SLC22A24: variants seen among roughly 807,000 people sequenced by gnomAD.
The protein encoded by SLC22A24 is solute carrier family 22 member 24, also known as steroid transmembrane transporter SLC22A24.
Under a neutral mutation model 49.8 loss-of-function variants are expected in SLC22A24, and 53 were observed. The ratio of observed to expected loss-of-function variants is 1.06; its 90% CI spans 0.85 to 1.34. The LOEUF (loss-of-function observed/expected upper bound fraction) is 1.34. Ranked by LOEUF, SLC22A24 falls within the 40% of genes most tolerant of loss-of-function variation. The probability of loss-of-function intolerance (pLI) is 0.00; values close to 1 mark genes in which losing one functional copy is unlikely to be tolerated. For synonymous variants in SLC22A24, 302 were observed against 256.4 expected (o/e 1.18, Z -1.70); for missense variants, 786 against 675.9 (o/e 1.16, Z -1.81).
chr11:63,087,024 G>GCGCACACACACACACACACACA (rs376936925), intron 6 of SLC22A24, among the ~76,000 whole-genome samples: 8 of 132,630 alleles, frequency 6.0e-5, no homozygotes, highest in African/African-American at 2.3e-4. Flanking sequence ...CCTGGAGGGC[G>GCGCACACACACACACACACACA]CACACACACA....
Position 63,080,016 on chromosome 11 carries a change from G to A in SLC22A24, c.1599-16C>T, listed in dbSNP as rs984506319. On this transcript the variant is annotated splice_polypyrimidine_tract_variant and intron_variant, in intron 9 of 9. Coordinates refer to ENST00000612278, the MANE Select transcript of SLC22A24 (RefSeq NM_001136506.2). Reference sequence around the variant, plus strand: ...ATCTTTTCTGCTGAGAAATAGAAATGCAAACAAAAACAAGATTAAGAAACA... The same window carrying A: ...ATCTTTTCTGCTGAGAAATAGAAATACAAACAAAAACAAGATTAAGAAACA... The A allele has an allele frequency of 6.7e-6, 10 of 1,488,006 alleles. No individual in the cohort carries two copies. The African/African-American group carries it at 6.9e-5, about 10-fold the overall frequency. The allele number at this position is 1,488,006 out of a possible 1,614,324, so 92.2% of individuals were successfully genotyped here.
intron 6 of SLC22A24, among the ~76,000 whole-genome samples, chr11:63,089,704 T>C (rs912845033): frequency 6.6e-5 from 10 of 152,032 alleles, no homozygotes; most frequent in African/African-American, 2.4e-4. Flanking sequence ...GGAAGATTTA[T>C]CAAGAAAATG....
chr11:63,140,706 T>G (rs536847909), intron 1 of SLC22A24, among the ~76,000 whole-genome samples: 1 of 152,248 alleles, frequency 6.6e-6, no homozygotes, highest in South Asian at 2.1e-4. Context: ...TAGCAAAGAG[T>G]TAACATTGGA....
chr11:63,126,285 G>C (rs551680052), intron 2 of SLC22A24, among the ~76,000 whole-genome samples: 1 of 152,214 alleles, frequency 6.6e-6, no homozygotes, highest in African/African-American at 2.4e-5. Flanking sequence ...GATTTTTATG[G>C]TTTTAGGTCT....
chr11:63,087,054 A>ACACG (rs2086991595), intron 6 of SLC22A24, among the ~76,000 whole-genome samples: 1 of 105,414 alleles, frequency 9.5e-6, no homozygotes, highest in Non-Finnish European at 2.0e-5. Flanking sequence ...ACACACACAC[A>ACACG]CACAGAGGGA....
chr11:63,114,632 A>G (rs971399830), intron 4 of SLC22A24, among the ~76,000 whole-genome samples: 4 of 152,164 alleles, frequency 2.6e-5, no homozygotes, highest in Admixed American at 2.0e-4. Context: ...GGAGGAGAAG[A>G]GGCACTCTGG....
At chr11:63,128,780 C>T (rs1055070276) in intron 2 of SLC22A24, among the ~76,000 whole-genome samples, 1 of 152,190 alleles carries the variant, frequency 6.6e-6, no homozygotes, top group Non-Finnish European at 1.5e-5. Context: ...CCTTACCCTG[C>T]CCCCTTGTCT....
chr11:63,122,674 C>G (rs2087260328), intron 2 of SLC22A24, among the ~76,000 whole-genome samples: 1 of 151,966 alleles, frequency 6.6e-6, no homozygotes, highest in Admixed American at 6.6e-5. Flanking sequence ...ATCACCATGC[C>G]CAGCTAGTTT....
chr11:63,080,883 A>G, intron 9 of SLC22A24, 37 bp downstream of exon 9: 2 of 1,518,662 alleles, frequency 1.3e-6, no homozygotes, highest in African/African-American at 1.4e-5. Flanking sequence ...GCACATAGCC[A>G]CTCCCCACTC....
intron 5 of SLC22A24, among the ~76,000 whole-genome samples, chr11:63,102,570 A>C (rs950403917): frequency 1.6e-4 from 24 of 152,286 alleles, no homozygotes; most frequent in African/African-American, 5.8e-4. Context: ...CTTTGGTGGA[A>C]AAAACACTGC....
At chr11:63,094,460 T>C (rs2087040476) in intron 6 of SLC22A24, among the ~76,000 whole-genome samples, 1 of 151,834 alleles carries the variant, frequency 6.6e-6, no homozygotes, top group African/African-American at 2.4e-5. Context: ...TGTGTCATTA[T>C]AGCAGCATGA....
intron 4 of SLC22A24, among the ~76,000 whole-genome samples, chr11:63,112,161 T>G (rs544078531): frequency 6.6e-6 from 1 of 152,194 alleles, no homozygotes; most frequent in Non-Finnish European, 1.5e-5. Flanking sequence ...TGAGTGGTTT[T>G]GAGTGAGATT....
Position 63,083,299 on chromosome 11 carries a change from A to T in SLC22A24, c.1229T>A (p.Ile410Lys), listed in dbSNP as rs1387948873. Reference protein sequence around the residue: ...LNHMGRRISQILFTFPVGLFI... With the variant: ...LNHMGRRISQKLFTFPVGLFI... ...AAGTCCCACCGGGAACGTGAACAAT[A>T]TCTGGCTTATTCGACGACCCATATG... Residue 410 changes from isoleucine to lysine, a missense_variant, in exon 7 of 10, where the codon ATA becomes AAA. Coordinates refer to ENST00000612278, the MANE Select transcript of SLC22A24 (RefSeq NM_001136506.2). 6.4e-7 allele frequency: 1 copy of T among 1,561,118 alleles called. No homozygotes were observed. The highest frequency in any genetic ancestry group is 1.9e-5 in the Admixed American group (1 of 52,166).
intron 6 of SLC22A24, among the ~76,000 whole-genome samples, chr11:63,087,219 T>C (rs1386350056): frequency 6.6e-6 from 1 of 152,064 alleles, no homozygotes; most frequent in Non-Finnish European, 1.5e-5. Flanking sequence ...GATCTCCGCA[T>C]TTTCAACTGA....
intron 6 of SLC22A24, among the ~76,000 whole-genome samples, chr11:63,090,080 C>CAAAAAAAAAAAAAAAAAA (rs60285946): frequency 1.5e-5 from 1 of 64,692 alleles, no homozygotes; most frequent in Non-Finnish European, 2.6e-5. Context: ...GACTCTGTCT[C>CAAAAAAAAAAAAAAAAAA]AAAAAAAAAA....
At position 63,143,697 on chromosome 11, in the gene SLC22A24, T is replaced by A. The variant is rs372890190; in HGVS notation, c.83A>T (p.Asn28Ile). ...ICLIAFFCIT[N>I]ILLFPNIVLE... ...CACAATATTAGGGAACAGTAGGATG[T>A]TGGTGATGCAAAAGAAAGCTATCAG... Residue 28 changes from asparagine to isoleucine, a missense_variant, in exon 1 of 10, where the codon AAC becomes ATC. Physicochemically the swap from Asn to Ile is moderately radical, Grantham distance 149. Transcript: ENST00000612278. The A allele has an allele frequency of 2.4e-5, 38 of 1,566,960 alleles. No homozygotes were observed. The highest frequency in any genetic ancestry group is 3.1e-5 in the Non-Finnish European group (36 of 1,158,778).
intron 4 of SLC22A24, among the ~76,000 whole-genome samples, chr11:63,114,156 G>A (rs888132595): frequency 2.6e-5 from 4 of 152,152 alleles, no homozygotes; most frequent in Admixed American, 2.0e-4. Context: ...CCTGAAGAGT[G>A]TTTTTCCAAC....
chr11:63,104,111 C>T (rs2087106493), intron 5 of SLC22A24, 64 bp downstream of exon 5: 5 of 1,523,446 alleles, frequency 3.3e-6, no homozygotes, highest in Non-Finnish European at 3.5e-6. Flanking sequence ...GGAACCTAGA[C>T]TAGTATGATT....
At chr11:63,094,681 T>C (rs2087042173) in intron 6 of SLC22A24, among the ~76,000 whole-genome samples, 1 of 152,114 alleles carries the variant, frequency 6.6e-6, no homozygotes, top group Non-Finnish European at 1.5e-5. Context: ...TTCTAACTGG[T>C]GTGAGATGGT....
Sources: allele counts gnomAD v4.1 joint callset (sites outside exome capture counted in the v4.1 genomes callset), GRCh38; gene constraint gnomAD v4.1.1; transcripts MANE v1.5; gene names NCBI Gene and HGNC (gene_info 2026-07-23, HGNC 2026-07-21).